Variants in FERMT3 observed in about 807,000 individuals in gnomAD.
The protein encoded by FERMT3 is fermitin family homolog 3.
A neutral mutation model predicts 80.8 loss-of-function variants in FERMT3; 33 were observed. The ratio of observed to expected loss-of-function variants is 0.41; its 90% CI spans 0.31 to 0.55. The LOEUF is 0.55. FERMT3 is among the 20% of genes least tolerant of loss of function. The pLI, the probability that FERMT3 is intolerant of heterozygous loss-of-function variation, is 0.31. For missense variants in FERMT3, 754 were observed against 908.7 expected (o/e 0.83, Z 2.19); for synonymous variants, 375 against 372.2 (o/e 1.01, Z -0.09).
At chr11:64,206,202 C>G (rs544103733), upstream of FERMT3, among the ~76,000 whole-genome samples, 15 of 152,296 alleles carry the variant, frequency 9.8e-5, no homozygotes, top group African/African-American at 3.1e-4. Context: ...GGTCTGAGTT[C>G]ATGAGTTTGA....
At position 64,209,120 on chromosome 11, in the gene FERMT3, C is replaced by T. The variant is rs543239010; in HGVS notation, c.161-1491C>T. Among the ~76,000 whole-genome samples the T allele has an allele frequency of 1.2e-4, 18 of 152,222 alleles. No homozygotes were observed. In the South Asian group the frequency reaches 3.5e-3, roughly 30 times the overall value. ...GATGCCTGGGCCTTTGGCGCGAGTC[C>T]GTGTCCCCCAGCCCTGAGAGGTGGT... is the stretch of plus-strand genomic sequence containing the variant. On this transcript the variant is annotated intron_variant, in intron 2 of 14. Coordinates refer to ENST00000345728, the MANE Select transcript of FERMT3 (RefSeq NM_031471.6).
chr11:64,208,880 G>A (rs1245375397), intron 2 of FERMT3, among the ~76,000 whole-genome samples: 1 of 152,176 alleles, frequency 6.6e-6, no homozygotes, highest in African/African-American at 2.4e-5. Flanking sequence ...TCTTCTGGAG[G>A]GGAAGGTGGC....
chr11:64,220,439 C>T lies in FERMT3; in HGVS notation c.1315C>T (p.Gln439Ter). 1 of 1,611,146 alleles carries T rather than the reference C, an allele frequency of 6.2e-7. No individual in the cohort carries two copies. The change falls in exon 12 of 15, where the codon CAG becomes TAG. Residue 439 changes from glutamine to a stop codon, truncating the protein, a stop_gained. Coordinates refer to ENST00000345728, the MANE Select transcript of FERMT3 (RefSeq NM_031471.6). LOFTEE classifies it high-confidence loss of function. ...SEIYLRCQDE[Q>*]QYARWMAGCR... ...CCCCCTCACCCCTCTCGCCCAGGAGCAGCAGTATGCCCGCTGGATGGCTGG... is the reference window on the plus strand; with the variant it reads ...CCCCCTCACCCCTCTCGCCCAGGAGTAGCAGTATGCCCGCTGGATGGCTGG...
intron 1 of FERMT3, 38 bp from the exon 2 acceptor site, chr11:64,207,313 G>C: frequency 2.5e-6 from 4 of 1,613,716 alleles, no homozygotes; most frequent in Non-Finnish European, 2.5e-6. Flanking sequence ...AGGCCTACCA[G>C]GGCCTGCCCA....
chr11:64,207,266 G>A, intron 1 of FERMT3, 85 bp from the exon 2 acceptor site: 1 of 1,540,418 alleles, frequency 6.5e-7, no homozygotes. Context: ...CTCTGGGTGT[G>A]TCCAGGGCAT....
upstream of FERMT3, among the ~76,000 whole-genome samples, chr11:64,205,933 C>T (rs886351843): frequency 1.3e-5 from 2 of 152,248 alleles, no homozygotes; most frequent in Admixed American, 6.5e-5. Context: ...CGCTGTCCTG[C>T]GCAGAGCTGG....
At chr11:64,221,946 AAAAAC>A (rs1381759685) in intron 13 of FERMT3, among the ~76,000 whole-genome samples, 2 of 144,748 alleles carry the variant, frequency 1.4e-5, no homozygotes, top group African/African-American at 5.2e-5. Context: ...AAACAAAACA[AAAAAC>A]AAATAGGCGG....
intron 13 of FERMT3, among the ~76,000 whole-genome samples, chr11:64,222,284 A>AAATAAAT (rs1565298131): frequency 5.1e-5 from 7 of 137,166 alleles, no homozygotes; most frequent in Non-Finnish European, 9.6e-5. Context: ...AATAAATAAA[A>AAATAAAT]GAGCCTGCGC....
Position 64,211,449 on chromosome 11 carries a change from C to G in FERMT3, c.683+6C>G. The G allele has an allele frequency of 6.3e-7, 1 of 1,581,532 alleles. No homozygotes were observed. Among genetic ancestry groups the G allele is most frequent in the Non-Finnish European group, 8.6e-7 (1 of 1,167,768 alleles). ...AAGACCCAGCTCCACAGCAGGTGCA[C>G]CCAGGAGCCACGCCCCCTGTGTCAG... On this transcript the variant is annotated splice_donor_region_variant and intron_variant, in intron 5 of 14. Transcript: ENST00000345728. This position sits in a 1 kb window ranked among gnomAD's most constrained non-coding sequence, Gnocchi z 4.7.
chr11:64,219,332 G>C lies in FERMT3; in HGVS notation c.868G>C (p.Glu290Gln). Residue 290 changes from glutamate to glutamine, a missense_variant, in exon 7 of 15, where the codon GAG (glutamate) becomes CAG (glutamine). Physicochemically the swap from Glu to Gln is conservative, Grantham distance 29. Transcript: ENST00000345728. This position sits in a 1 kb window ranked among gnomAD's most constrained non-coding sequence, Gnocchi z 4.0. The stretch of plus-strand genomic sequence containing the variant: ...GGAGGAGATTGACTGCACCGAGGAG[G>C]AGATGATGGTGTTTGCCGCCCTGCA... ...LLEEIDCTEE[E>Q]MMVFAALQYH... is the part of the protein sequence containing the mutation. 6.2e-7 allele frequency: 1 copy of C among 1,606,720 alleles called. No individual in the cohort carries two copies. The highest frequency in any genetic ancestry group is 8.5e-7 in the Non-Finnish European group (1 of 1,176,838).
rs762375804 is a variant in FERMT3, at chr11:64,210,636, T to C, written c.186T>C (p.His62=). ...QINRKQDWSD[H]AIWWEQKRQW... is the part of the protein sequence containing the mutation. Reference sequence around the variant, plus strand: ...ATCGCAAGCAGGACTGGTCAGACCATGCTATTTGGTGGGAACAGAAGAGGC... The same window carrying C: ...ATCGCAAGCAGGACTGGTCAGACCACGCTATTTGGTGGGAACAGAAGAGGC... The change falls in exon 3 of 15, where the codon CAT becomes CAC. Residue 62 remains histidine, a synonymous_variant. Coordinates refer to ENST00000345728, the MANE Select transcript of FERMT3 (RefSeq NM_031471.6). The surrounding 1 kb of genome is among the most constrained non-coding windows in gnomAD (Gnocchi z 4.3). 1 of 1,614,038 alleles carries C rather than the reference T, an allele frequency of 6.2e-7. No homozygotes were observed. The highest frequency in any genetic ancestry group is 1.7e-5 in the Admixed American group (1 of 60,030).
At position 64,207,426 on chromosome 11, in the gene FERMT3, T is replaced by A; in HGVS notation, c.62T>A (p.Phe21Tyr). 6.2e-7 allele frequency: 1 copy of A among 1,613,990 alleles called. No individual in the cohort carries two copies. Among genetic ancestry groups the A allele is most frequent in the Non-Finnish European group, 8.5e-7 (1 of 1,179,954 alleles). The stretch of plus-strand genomic sequence containing the variant: ...GACTCGTCATGGGAGCTGCGGGTGT[T>A]TGTGGGAGAGGAGGACCCAGAGGCC... ...YIDSSWELRV[F>Y]VGEEDPEAES... The change falls in exon 2 of 15, where the codon TTT becomes TAT. Residue 21 changes from phenylalanine (F) to tyrosine (Y), a missense_variant. Transcript: ENST00000345728.
chr11:64,211,389 T>C lies in FERMT3; in HGVS notation c.629T>C (p.Leu210Pro). 6.2e-7 allele frequency: 1 copy of C among 1,606,986 alleles called. No individual in the cohort carries two copies. The highest frequency in any genetic ancestry group is 8.5e-7 in the Non-Finnish European group (1 of 1,177,810). The change falls in exon 5 of 15, where the codon CTC becomes CCC. Residue 210 changes from leucine (L) to proline (P), a missense_variant. Leu to Pro is a moderately conservative substitution (Grantham distance 98). Coordinates refer to ENST00000345728, the MANE Select transcript of FERMT3 (RefSeq NM_031471.6). The surrounding 1 kb of genome is among the most constrained non-coding windows in gnomAD (Gnocchi z 4.7). ...RPQPPPDPLL[L>P]QRLPRPSSLS... ...CAGCCGCCACCCGACCCCCTCCTGCTCCAGCGTCTGCCACGGCCCAGCTCC... is the reference window on the plus strand; with the variant it reads ...CAGCCGCCACCCGACCCCCTCCTGCCCCAGCGTCTGCCACGGCCCAGCTCC...
chr11:64,211,562 G>A lies in FERMT3; in HGVS notation c.684-83G>A. 6.6e-7 allele frequency: 1 copy of A among 1,519,164 alleles called. No homozygotes were observed. 94.1% of individuals were successfully genotyped at this position (1,519,164 alleles called of 1,614,324 possible). A position where few individuals can be genotyped will look rare whatever the true frequency, so the allele number is the denominator to read the frequency against. Reference sequence around the variant, plus strand: ...GTTTCCAGGCCTTTTCTCTGTGTGTGCTTGTCCCCCCAGCCCAGCCCCCCT... The same window carrying A: ...GTTTCCAGGCCTTTTCTCTGTGTGTACTTGTCCCCCCAGCCCAGCCCCCCT... On this transcript the variant is annotated intron_variant, in intron 5 of 14. Transcript: ENST00000345728. The surrounding 1 kb of genome is among the most constrained non-coding windows in gnomAD (Gnocchi z 4.7).
In FERMT3 at chr11:64,219,994, A is replaced by G. The variant is rs751777617; in HGVS notation, c.1183A>G (p.Ile395Val). The G allele has an allele frequency of 4.3e-6, 7 of 1,613,548 alleles. No homozygotes were observed. The Admixed American group carries it at 5.0e-5, about 12-fold the overall frequency. ...CCAGGACGAGGCCCCTGGGGACCCC[A>G]TTCAGCAGCTCAACCTCAAGGGTAA... ...KSQDEAPGDP[I>V]QQLNLKGCEV... is the part of the protein sequence containing the mutation. The change falls in exon 10 of 15, where the codon ATT (isoleucine) becomes GTT (valine). Residue 395 changes from isoleucine (I) to valine (V), a missense_variant. Transcript: ENST00000345728. The surrounding 1 kb of genome is among the most constrained non-coding windows in gnomAD (Gnocchi z 4.0).
At chr11:64,212,541 C>T (rs1245215142) in intron 6 of FERMT3, among the ~76,000 whole-genome samples, 1 of 152,248 alleles carries the variant, frequency 6.6e-6, no homozygotes, top group African/African-American at 2.4e-5. Context: ...TATCTGTTCC[C>T]TGGCCATGTC....
At chr11:64,218,933 T>C (rs1225469766) in intron 6 of FERMT3, among the ~76,000 whole-genome samples, 4 of 152,220 alleles carry the variant, frequency 2.6e-5, no homozygotes, top group Non-Finnish European at 5.9e-5. Flanking sequence ...TCCTTGATAG[T>C]GTTTATTGCA....
chr11:64,223,150 CA>C lies in FERMT3; in HGVS notation c.1775del (p.Asn592ThrfsTer178). 6.2e-7 allele frequency: 1 copy of C among 1,613,946 alleles called. No individual in the cohort carries two copies. The highest frequency in any genetic ancestry group is 8.5e-7 in the Non-Finnish European group (1 of 1,180,048). On this transcript the variant is annotated frameshift_variant, in exon 14 of 15. Transcript: ENST00000345728. LOFTEE classifies it high-confidence loss of function. ...GDVVKTWRFS[N>X]MRQWNVNWDI... ...ACGTGGTCAAGACCTGGCGTTTCAG[CA>C]ACATGCGCCAGTGGAATGTCAACTG...
Position 64,223,374 on chromosome 11 carries a change from G to A in FERMT3, c.1874G>A (p.Arg625Gln). 1.9e-6 allele frequency: 3 copies of A among 1,614,044 alleles called. No homozygotes were observed. Among genetic ancestry groups the A allele is most frequent in the Non-Finnish European group, 2.5e-6 (3 of 1,180,038 alleles). Residue 625 changes from arginine to glutamine, a missense_variant, in exon 15 of 15, where the codon CGA becomes CAA. By Grantham distance (43) the Arg-to-Gln change is conservative. Coordinates refer to ENST00000345728, the MANE Select transcript of FERMT3 (RefSeq NM_031471.6). ...TTCAGCTGCGTGTCTGCCAGCTGCC[G>A]AATTGTACACGAGTATATCGGGGGC... ...VAFSCVSASC[R>Q]IVHEYIGGYI...
Sources: allele counts gnomAD v4.1 joint callset (sites outside exome capture counted in the v4.1 genomes callset), GRCh38; gene constraint gnomAD v4.1.1; non-coding constraint Gnocchi (gnomAD v3.1); transcripts MANE v1.5; gene names NCBI Gene and HGNC (gene_info 2026-07-23, HGNC 2026-07-21).